The following FABP12 variants were observed in gnomAD, a reference collection of about 807,000 sequenced individuals.
The protein encoded by FABP12 is fatty acid binding protein 12, also known as fatty acid-binding protein 12.
In FABP12, 19 loss-of-function variants were observed where a neutral mutation model predicts 13.7. That is an observed-to-expected ratio of 1.39 (90% CI 0.97 to 2.04). The LOEUF (loss-of-function observed/expected upper bound fraction) is 2.04, where lower values mean the gene tolerates loss of function less well. Among genes scored for constraint, FABP12 ranks in the 30% most tolerant of loss-of-function variants. The pLI, the probability that FABP12 is intolerant of heterozygous loss-of-function variation, is 0.00. For synonymous variants in FABP12, 61 were observed against 57.0 expected (o/e 1.07, Z -0.32); for missense variants, 182 against 164.2 (o/e 1.11, Z -0.59).
upstream of FABP12, among the ~76,000 whole-genome samples, chr8:81,536,599 C>T (rs1809228824): frequency 1.3e-5 from 2 of 152,164 alleles, no homozygotes; most frequent in African/African-American, 4.8e-5. Flanking sequence ...TAGGTCTTTC[C>T]CACCACTGAG....
intron 1 of FABP12, among the ~76,000 whole-genome samples, chr8:81,561,294 G>A (rs542403939): frequency 7.9e-5 from 12 of 152,264 alleles, no homozygotes; most frequent in African/African-American, 2.4e-4. Context: ...ATAATAGATT[G>A]GTCCAAGCTT....
intron 1 of FABP12, among the ~76,000 whole-genome samples, chr8:81,579,210 T>G (rs1810113867): frequency 6.6e-6 from 1 of 151,604 alleles, no homozygotes; most frequent in Non-Finnish European, 1.5e-5. Context: ...TTTTTTTTTT[T>G]GCAATCTAAA....
chr8:81,566,712 G>A (rs2130060296), intron 1 of FABP12, among the ~76,000 whole-genome samples: 1 of 152,078 alleles, frequency 6.6e-6, no homozygotes, highest in African/African-American at 2.4e-5. Flanking sequence ...ATACTGAATG[G>A]GAAAAAACTG....
At chr8:81,532,528 G>T (rs551296836) in intron 1 of FABP12, among the ~76,000 whole-genome samples, 1 of 152,298 alleles carries the variant, frequency 6.6e-6, no homozygotes, top group African/African-American at 2.4e-5. Context: ...GGTTGGTAAA[G>T]ATACTATAGT....
chr8:81,565,661 G>A (rs866665576), intron 1 of FABP12, among the ~76,000 whole-genome samples: 2 of 151,596 alleles, frequency 1.3e-5, no homozygotes, highest in South Asian at 4.2e-4. Flanking sequence ...AAAACCTTTG[G>A]GATACAACAA....
chr8:81,589,781 T>C (rs1013532125), intron 1 of FABP12, among the ~76,000 whole-genome samples: 1 of 152,190 alleles, frequency 6.6e-6, no homozygotes, highest in East Asian at 1.9e-4. Context: ...CAGGCAGGCA[T>C]CAAGTACCCA....
At chr8:81,537,834 A>G (rs909411918), upstream of FABP12, among the ~76,000 whole-genome samples, 3 of 152,196 alleles carry the variant, frequency 2.0e-5, no homozygotes, top group Non-Finnish European at 4.4e-5. Flanking sequence ...AAGCAGTAAC[A>G]TGGCACTGCT....
intron 3 of FABP12, among the ~76,000 whole-genome samples, chr8:81,528,324 C>T (rs978152882): frequency 1.7e-4 from 26 of 152,314 alleles, no homozygotes; most frequent in African/African-American, 6.3e-4. Flanking sequence ...AGCAATCCTC[C>T]TGTTTTGGCC....
At chr8:81,566,810 G>C (rs1485784879) in intron 1 of FABP12, among the ~76,000 whole-genome samples, 1 of 152,102 alleles carries the variant, frequency 6.6e-6, no homozygotes, top group East Asian at 1.9e-4. Flanking sequence ...CCTAGCTAGA[G>C]CAATCAGACG....
intron 4 of FABP12, among the ~76,000 whole-genome samples, chr8:81,525,529 A>AAAATAGATAG (rs558390116): frequency 1.1e-4 from 16 of 150,070 alleles, no homozygotes; most frequent in African/African-American, 3.7e-4. Flanking sequence ...AAAAAAAAAA[A>AAAATAGATAG]ATAGATAGAT....
chr8:81,525,541 G>A (rs557981617), intron 4 of FABP12, among the ~76,000 whole-genome samples: 2 of 150,584 alleles, frequency 1.3e-5, no homozygotes, highest in African/African-American at 4.9e-5. Flanking sequence ...TAGATAGATA[G>A]ATAGATAGAT....
intron 1 of FABP12, among the ~76,000 whole-genome samples, chr8:81,563,050 C>A (rs954347839): frequency 6.6e-6 from 1 of 152,188 alleles, no homozygotes; most frequent in Admixed American, 6.5e-5. Flanking sequence ...CTTGGGCCAC[C>A]CCTCCCGCAG....
At chr8:81,563,252 G>A (rs1211726727) in intron 1 of FABP12, among the ~76,000 whole-genome samples, 1 of 152,216 alleles carries the variant, frequency 6.6e-6, no homozygotes. Context: ...CAGCTACAGT[G>A]ATCAAACACT....
upstream of FABP12, among the ~76,000 whole-genome samples, chr8:81,538,598 G>A (rs896804591): frequency 6.6e-6 from 1 of 152,138 alleles, no homozygotes; most frequent in Non-Finnish European, 1.5e-5. Context: ...GGACACCATG[G>A]ATTGTCAGCA....
intron 1 of FABP12, among the ~76,000 whole-genome samples, chr8:81,554,557 G>A (rs1809575178): frequency 6.6e-6 from 1 of 152,016 alleles, no homozygotes; most frequent in African/African-American, 2.4e-5. Context: ...TATTCTACAG[G>A]AACCACATTC....
At chr8:81,579,165 A>T (rs75244172) in intron 1 of FABP12, among the ~76,000 whole-genome samples, 6,997 of 152,052 alleles carry the variant, frequency 0.046, 212 homozygotes, top group East Asian at 0.16. Context: ...CTTTTTCATT[A>T]TAAGGAAGTA....
At chr8:81,530,271 C>G (rs1390723551) in intron 2 of FABP12, among the ~76,000 whole-genome samples, 1 of 152,110 alleles carries the variant, frequency 6.6e-6, no homozygotes, top group Admixed American at 6.6e-5. Flanking sequence ...TTCCCCTTAT[C>G]TATGTCTTGA....
rs187497123 is a variant in FABP12, at chr8:81,582,325, G to A, written c.-185+7728C>T. 2.2e-3 allele frequency among the ~76,000 whole-genome samples: 328 copies of A among 151,814 alleles called. 2 individuals are homozygous for A. Among genetic ancestry groups the A allele is most frequent in the African/African-American group, 7.0e-3 (291 of 41,404 alleles). On this transcript the variant is annotated intron_variant, in intron 1 of 5. Transcript: ENST00000692030. Reference sequence around the variant, plus strand: ...TTTAGTAGAGACAAGGTTTCACTATGTTGGCCAGGCTGGTCTCAAACTCCT... The same window carrying A: ...TTTAGTAGAGACAAGGTTTCACTATATTGGCCAGGCTGGTCTCAAACTCCT...
intron 1 of FABP12, among the ~76,000 whole-genome samples, chr8:81,546,828 T>TA (rs1809442043): frequency 6.6e-6 from 1 of 152,216 alleles, no homozygotes; most frequent in African/African-American, 2.4e-5. Flanking sequence ...TCTTCACTGT[T>TA]ACTGAATCAA....
Sources: gnomAD v4.1 joint callset for allele counts (sites outside exome capture counted in the v4.1 genomes callset) on GRCh38, gnomAD v4.1.1 for gene constraint, MANE v1.5 for transcripts, NCBI Gene and HGNC (gene_info 2026-07-23, HGNC 2026-07-21) for gene names.